The following MUC5AC variants were observed in gnomAD, a reference collection of about 807,000 sequenced individuals.
MUC5AC encodes the protein mucin 5AC, oligomeric mucus/gel-forming.
Under a neutral mutation model 169.7 loss-of-function variants are expected in MUC5AC, and 158 were observed. The ratio of observed to expected loss-of-function variants is 0.93; its 90% CI spans 0.82 to 1.06. The LOEUF (loss-of-function observed/expected upper bound fraction) is 1.06, where lower values mean the gene tolerates loss of function less well. Ranked by LOEUF, MUC5AC falls within the 50% of genes least tolerant of loss-of-function variation. MUC5AC has a pLI of 0.00. For synonymous variants in MUC5AC, 1,975 were observed against 1,237.0 expected, an observed-to-expected ratio of 1.60 and a Z score of -12.52; for missense variants, 4,359 against 3,089.9, an observed-to-expected ratio of 1.41 and a Z score of -9.74.
intron 37 of MUC5AC, 47 bp downstream of exon 37, chr11:1,196,101 C>T: frequency 1.4e-6 from 1 of 734,636 alleles, no homozygotes; most frequent in Non-Finnish European, 2.5e-6. Context: ...TTGTGAGGGG[C>T]ACAGGCACGC....
At chr11:1,170,836 C>A (rs1273787416) in intron 15 of MUC5AC, among the ~76,000 whole-genome samples, 24,043 of 145,984 alleles carry the variant, frequency 0.16, 2,050 homozygotes, top group Non-Finnish European at 0.19. Context: ...CACCCACTCA[C>A]TCACCCACTG....
intron 44 of MUC5AC, 43 bp downstream of exon 44, chr11:1,199,039 G>C (rs541062843): frequency 6.0e-5 from 46 of 763,130 alleles, no homozygotes. Flanking sequence ...TGGCTCTTGG[G>C]GGGCAGCGGT....
In MUC5AC at chr11:1,190,281, G is replaced by A. The variant is rs1861055101; in HGVS notation, c.12136G>A (p.Val4046Met). The change falls in exon 31 of 49, where the codon GTG becomes ATG. Residue 4046 changes from valine (V) to methionine (M), a missense_variant. Physicochemically the swap from Val to Met is conservative, Grantham distance 21. Coordinates refer to ENST00000621226, the MANE Select transcript of MUC5AC (RefSeq NM_001304359.2). ...GPFKMCLNYEVRVLCCETPKG... is the reference protein window; with the variant it reads ...GPFKMCLNYEMRVLCCETPKG... Reference sequence around the variant, plus strand: ...CTTCAAGATGTGCCTCAACTACGAGGTGCGTGTGCTCTGCTGCGAGACCCC... The same window carrying A: ...CTTCAAGATGTGCCTCAACTACGAGATGCGTGTGCTCTGCTGCGAGACCCC... 2 of 711,830 alleles carry A rather than the reference G, an allele frequency of 2.8e-6. No individual in the cohort carries two copies. The highest frequency in any genetic ancestry group is 2.5e-5 in the East Asian group (1 of 40,492). The allele number at this position is 711,830 out of a possible 1,614,324, so 44.1% of individuals were successfully genotyped here.
chr11:1,162,878 C>T (rs1014520889), intron 5 of MUC5AC, 77 bp from the exon 6 acceptor site: 139 of 1,441,586 alleles, frequency 9.6e-5, no homozygotes, highest in Non-Finnish European at 1.2e-4. Flanking sequence ...GGCCCCTCCT[C>T]GGAAATCTCA....
At position 1,188,469 on chromosome 11, in the gene MUC5AC, C is replaced by G. The variant is rs1277673384; in HGVS notation, c.10324C>G (p.Pro3442Ala). ...SAPTTSTTSS[P>A]TTSTTSATTT... is the part of the protein sequence containing the mutation. ...CCCTACAACCAGCACAACCTCTTCCCCTACAACCAGCACAACCTCTGCTAC... is the reference window on the plus strand; with the variant it reads ...CCCTACAACCAGCACAACCTCTTCCGCTACAACCAGCACAACCTCTGCTAC... The change falls in exon 31 of 49, where the codon CCT (proline) becomes GCT (alanine). Residue 3442 changes from proline to alanine, a missense_variant. Coordinates refer to ENST00000621226, the MANE Select transcript of MUC5AC (RefSeq NM_001304359.2). 9.2e-6 allele frequency: 6 copies of G among 652,772 alleles called. No individual in the cohort carries two copies. In the Admixed American group the frequency reaches 1.0e-4, roughly 11 times the overall value. 40.4% of individuals were successfully genotyped at this position (652,772 alleles called of 1,614,324 possible).
At chr11:1,164,629 G>A in intron 9 of MUC5AC, 97 bp downstream of exon 9, 1 of 1,454,088 alleles carries the variant, frequency 6.9e-7, no homozygotes, top group Non-Finnish European at 9.1e-7. Context: ...CCCAGTCCTA[G>A]TGTCCCGGGC....
chr11:1,168,593 G>T (rs1860401035), intron 13 of MUC5AC, 41 bp downstream of exon 13: 3 of 1,612,424 alleles, frequency 1.9e-6, no homozygotes, highest in Non-Finnish European at 2.5e-6. Context: ...GGCTGCCTGG[G>T]GTCCCGCCCC....
chr11:1,199,277 G>A, intron 45 of MUC5AC, 92 bp downstream of exon 45: 1 of 698,054 alleles, frequency 1.4e-6, no homozygotes, highest in Non-Finnish European at 2.6e-6. Context: ...GTCTGGCAGA[G>A]GCTGGGGACT....
rs915311198 is a variant in MUC5AC, at chr11:1,181,314, C to T, written c.3864C>T (p.Asp1288=). The T allele has an allele frequency of 5.3e-4, 213 of 398,622 alleles. 1 individual carries two copies. In the East Asian group the frequency reaches 5.4e-3, roughly 10 times the overall value. The allele number at this position is 398,622 out of a possible 1,614,324, so 24.7% of individuals were successfully genotyped here. The change falls in exon 30 of 49, where the codon GAC becomes GAT. Residue 1288 remains aspartate (D), a synonymous_variant. Coordinates refer to ENST00000621226, the MANE Select transcript of MUC5AC (RefSeq NM_001304359.2). The part of the protein sequence containing the change: ...TYNGQRFHPG[D]VIYHTTDGTG... ...ATGGACAGCGCTTCCACCCAGGGGA[C>T]GTCATCTACCACACGACGGATGGCA...
Position 1,189,636 on chromosome 11 carries a change from A to T in MUC5AC, c.11491A>T (p.Thr3831Ser), listed in dbSNP as rs1447015247. The T allele has an allele frequency of 1.1e-5, 7 of 625,246 alleles. No individual in the cohort carries two copies. The highest frequency in any genetic ancestry group is 5.5e-5 in the Admixed American group (2 of 36,408). 38.7% of individuals were successfully genotyped at this position (625,246 alleles called of 1,614,324 possible). A position where few individuals can be genotyped will look rare whatever the true frequency, so the allele number is the denominator to read the frequency against. ...CACAACCTCTTCCCCTACAACTAGC[A>T]CAACCTCAGCTCCTACAACCAGCAC... ...TSTTSSPTTSTTSAPTTSTTS... is the reference protein window; with the variant it reads ...TSTTSSPTTSSTSAPTTSTTS... The change falls in exon 31 of 49, where the codon ACA becomes TCA. Residue 3831 changes from threonine (T) to serine (S), a missense_variant. Transcript: ENST00000621226.
At chr11:1,171,252 A>ACCCAT (rs1860515016) in intron 15 of MUC5AC, among the ~76,000 whole-genome samples, 1 of 125,418 alleles carries the variant, frequency 8.0e-6, no homozygotes, top group African/African-American at 3.1e-5. Flanking sequence ...TCACCCACTC[A>ACCCAT]TCCACTCACC....
intron 24 of MUC5AC, among the ~76,000 whole-genome samples, 191 bp downstream of exon 24, chr11:1,177,824 T>C (rs1221644395): frequency 6.6e-6 from 1 of 152,152 alleles, no homozygotes; most frequent in Admixed American, 6.5e-5. Flanking sequence ...TGGGTGTCAG[T>C]GTTCTGGGGC....
intron 24 of MUC5AC, among the ~76,000 whole-genome samples, chr11:1,178,202 C>G (rs1860731502): frequency 6.6e-6 from 1 of 152,242 alleles, no homozygotes. Context: ...TCTTTTTCTC[C>G]AGGAGGGGCT....
intron 4 of MUC5AC, 93 bp from the exon 5 acceptor site, chr11:1,162,439 T>C: frequency 8.3e-7 from 1 of 1,206,684 alleles, no homozygotes; most frequent in Non-Finnish European, 1.2e-6. Flanking sequence ...ACGGTCACGA[T>C]GACCGTGTCA....
At chr11:1,168,194 C>A (rs1030547020) in intron 12 of MUC5AC, among the ~76,000 whole-genome samples, 6 of 152,226 alleles carry the variant, frequency 3.9e-5, no homozygotes, top group Non-Finnish European at 7.4e-5. Context: ...GGCCGCCATA[C>A]CTGACCCAAG....
At position 1,176,653 on chromosome 11, in the gene MUC5AC, G is replaced by A; in HGVS notation, c.2642G>A (p.Gly881Asp). 5.0e-6 allele frequency: 2 copies of A among 398,672 alleles called. No individual in the cohort carries two copies. The highest frequency in any genetic ancestry group is 1.3e-4 in the South Asian group (1 of 7,880). The allele number at this position is 398,672 out of a possible 1,614,324, so 24.7% of individuals were successfully genotyped here. ...CGGGCCGGCCAGACCATCCGGGTGG[G>A]CTGCAACACCTGGTATGCCGGGGGC... Reference protein sequence around the residue: ...SYRAGQTIRVGCNTCTCDSRM... With the variant: ...SYRAGQTIRVDCNTCTCDSRM... Residue 881 changes from glycine (G) to aspartate (D), a missense_variant, in exon 21 of 49, where the codon GGC becomes GAC. Physicochemically the swap from Gly to Asp is moderately conservative, Grantham distance 94. Transcript: ENST00000621226.
At position 1,179,151 on chromosome 11, in the gene MUC5AC, G is replaced by A; in HGVS notation, c.3387G>A (p.Gly1129=). ...CVNDACACDS[G]GDCECFCTAV... is the part of the protein sequence containing the mutation. ...ACGACGCGTGCGCCTGCGACTCCGG[G>A]GGTGACTGCGAGTGCTTCTGCACGG... Residue 1129 remains glycine, a synonymous_variant, in exon 26 of 49, where the codon GGG becomes GGA. Coordinates refer to ENST00000621226, the MANE Select transcript of MUC5AC (RefSeq NM_001304359.2). 1 of 677,998 alleles carries A rather than the reference G, an allele frequency of 1.5e-6. No homozygotes were observed. Among genetic ancestry groups the A allele is most frequent in the Non-Finnish European group, 2.7e-6 (1 of 371,730 alleles). The allele number at this position is 677,998 out of a possible 1,614,324, so 42.0% of individuals were successfully genotyped here. A position where few individuals can be genotyped will look rare whatever the true frequency, so the allele number is the denominator to read the frequency against.
chr11:1,187,453 C>T lies in MUC5AC; in HGVS notation c.9308C>T (p.Ala3103Val). 1.4e-6 allele frequency: 1 copy of T among 731,230 alleles called. No individual in the cohort carries two copies. The highest frequency in any genetic ancestry group is 2.5e-6 in the Non-Finnish European group (1 of 401,008). 45.3% of individuals were successfully genotyped at this position (731,230 alleles called of 1,614,324 possible). ...ISAPTTSTTS[A>V]PTTSTTSAST... is the part of the protein sequence containing the mutation. ...GCCCCAACAACCAGCACAACGTCTG[C>T]TCCTACAACCAGCACAACCTCTGCC... The change falls in exon 31 of 49, where the codon GCT (alanine) becomes GTT (valine). Residue 3103 changes from alanine to valine, a missense_variant. By Grantham distance (64) the Ala-to-Val change is moderately conservative. Transcript: ENST00000621226.
chr11:1,170,679 A>T (rs1860485715), intron 15 of MUC5AC, among the ~76,000 whole-genome samples: 1 of 137,018 alleles, frequency 7.3e-6, no homozygotes, highest in Admixed American at 7.2e-5. Context: ...TCACCAACTC[A>T]CCCATTCACC....
Sources: allele counts gnomAD v4.1 joint callset (sites outside exome capture counted in the v4.1 genomes callset), GRCh38; gene constraint gnomAD v4.1.1; transcripts MANE v1.5; gene names NCBI Gene and HGNC (gene_info 2026-07-23, HGNC 2026-07-21).